COMMD5: variants seen among roughly 807,000 people sequenced by gnomAD.
The protein encoded by COMMD5 is COMM domain containing 5, also known as COMM domain-containing protein 5.
Under a neutral mutation model 6.9 loss-of-function variants are expected in COMMD5, and 10 were observed. The observed-to-expected ratio is 1.44, with a 90% CI of 0.89 to 2.45. The LOEUF (loss-of-function observed/expected upper bound fraction) is 2.45, where lower values mean the gene tolerates loss of function less well. Among genes scored for constraint, COMMD5 ranks in the 30% most tolerant of loss-of-function variants. COMMD5 has a pLI of 0.00. For missense variants in COMMD5, 234 were observed against 287.8 expected, an observed-to-expected ratio of 0.81 and a Z score of 1.35; for synonymous variants, 127 against 125.3, an observed-to-expected ratio of 1.01 and a Z score of -0.09.
rs763990746 is a variant in COMMD5 at position 144,842,730 on chromosome 8, A to G, written c.*117-987T>C. ...CCTTCAGTATGAGCACACAGCTTAC[A>G]ATACATCAAAGGGTTCACACTGGAG... is the stretch of plus-strand genomic sequence containing the variant. On this transcript the variant is annotated intron_variant and NMD_transcript_variant, in intron 1 of 1. Coordinates refer to the COMMD5 transcript ENST00000530332. 5 of 1,613,874 alleles carry G rather than the reference A, an allele frequency of 3.1e-6. No homozygotes were observed. In the Admixed American group the frequency reaches 5.0e-5, roughly 16 times the overall value.
chr8:144,849,110 T>C (rs1409192331), downstream of COMMD5, among the ~76,000 whole-genome samples: 1 of 152,142 alleles, frequency 6.6e-6, no homozygotes, highest in African/African-American at 2.4e-5. Context: ...GGGCTGTCCC[T>C]AAAGCTGCTG....
At chr8:144,838,519 C>G (rs1829361154), downstream of COMMD5, 1 of 196,316 alleles carries the variant, frequency 5.1e-6, no homozygotes, top group Non-Finnish European at 1.0e-5. Context: ...AAGGAAGCCC[C>G]TCACCTCCCT....
downstream of COMMD5, among the ~76,000 whole-genome samples, chr8:144,845,652 T>A (rs1185591286): frequency 6.6e-6 from 1 of 152,180 alleles, no homozygotes; most frequent in Non-Finnish European, 1.5e-5. Flanking sequence ...CTGTAAGACC[T>A]CAACCCTGTC....
downstream of COMMD5, among the ~76,000 whole-genome samples, chr8:144,848,977 G>A (rs1325501910): frequency 6.6e-6 from 1 of 152,206 alleles, no homozygotes; most frequent in Non-Finnish European, 1.5e-5. Flanking sequence ...GTTCACAGAT[G>A]AATTGAGGCA....
chr8:144,842,147 C>T lies in COMMD5; in HGVS notation c.*117-404G>A, dbSNP rs2228180. ...TGTGGGAAAGCCTTCAGCCAGCAGT[C>T]GCAGCTGGTTAGACACCAGAGAACT... is the stretch of plus-strand genomic sequence containing the variant. On this transcript the variant is annotated intron_variant and NMD_transcript_variant, in intron 1 of 1. Coordinates refer to the COMMD5 transcript ENST00000530332. 5.8e-5 allele frequency: 94 copies of T among 1,614,006 alleles called. No individual in the cohort carries two copies. The highest frequency in any genetic ancestry group is 7.5e-5 in the Non-Finnish European group (88 of 1,180,014).
downstream of COMMD5, chr8:144,846,120 A>C (rs1830499606): frequency 6.5e-7 from 1 of 1,536,206 alleles, no homozygotes. Flanking sequence ...CCTCTTGGCC[A>C]CTTCCTGGTT....
chr8:144,843,543 G>A lies in COMMD5; in HGVS notation c.*117-1800C>T, dbSNP rs531655565. The A allele has an allele frequency of 5.6e-4, 83 of 148,082 alleles. No homozygotes were observed. In the South Asian group the frequency reaches 0.013, roughly 24 times the overall value. The allele number at this position is 148,082 out of a possible 1,614,324, so 9.2% of individuals were successfully genotyped here. On this transcript the variant is annotated intron_variant and NMD_transcript_variant, in intron 1 of 1. Transcript: ENST00000530332. ...GCGGAGCTTGCAGTGAGCTGAGATC[G>A]CGCCACTGCACTCCAGCCTGGGTGA...
At chr8:144,843,411 A>AC (rs1405506283) in intron 1 of COMMD5, 3 of 386,776 alleles carry the variant, frequency 7.8e-6, no homozygotes, top group Non-Finnish European at 1.4e-5. Flanking sequence ...AACAGGTGAA[A>AC]CCCCATCTCT....
chr8:144,841,026 A>T (rs1829832107), downstream of COMMD5: 7 of 259,712 alleles, frequency 2.7e-5, no homozygotes, highest in Non-Finnish European at 3.7e-5. Context: ...GTAGCTTCCC[A>T]CCCTTCTGGT....
intron 1 of COMMD5, chr8:144,843,544 C>T (rs575377842): frequency 9.5e-4 from 144 of 152,238 alleles, no homozygotes; most frequent in Non-Finnish European, 1.5e-3. Flanking sequence ...GCTGAGATCG[C>T]GCCACTGCAC....
At chr8:144,843,212 C>T in intron 1 of COMMD5, 2 of 1,503,390 alleles carry the variant, frequency 1.3e-6, no homozygotes, top group Non-Finnish European at 1.8e-6. Context: ...AAACCTATAG[C>T]CTTAACTTAC....
chr8:144,850,840 C>T lies in COMMD5; in HGVS notation c.499G>A (p.Ala167Thr). Residue 167 changes from alanine to threonine, a missense_variant, in exon 2 of 2, where the codon GCC becomes ACC. Physicochemically the swap from Ala to Thr is moderately conservative, Grantham distance 58. Transcript: ENST00000305103. The surrounding 1 kb of genome is among the most constrained non-coding windows in gnomAD (Gnocchi z 4.0). ...CTCGGCTGCAGGGAGCGAGCCAGGG[C>T]ACTGGTGGAGATTGCTACATCCACC... Reference protein sequence around the residue: ...WRVDVAISTSALARSLQPSVL... With the variant: ...WRVDVAISTSTLARSLQPSVL... 6.2e-7 allele frequency: 1 copy of T among 1,613,770 alleles called. No homozygotes were observed. Among genetic ancestry groups the T allele is most frequent in the Non-Finnish European group, 8.5e-7 (1 of 1,179,996 alleles).
intron 1 of COMMD5, among the ~76,000 whole-genome samples, chr8:144,844,625 T>C (rs1443345242): frequency 2.1e-5 from 3 of 145,530 alleles, no homozygotes; most frequent in South Asian, 2.1e-4. Context: ...AGGAAAATGG[T>C]GTGAACCTGG....
At chr8:144,838,034 G>A, downstream of COMMD5, 1 of 697,742 alleles carries the variant, frequency 1.4e-6, no homozygotes, top group Admixed American at 2.0e-5. Context: ...TCTGAAACCG[G>A]GGGGTCAGCA....
chr8:144,838,625 T>TG (rs1487852126), downstream of COMMD5: 3 of 155,744 alleles, frequency 1.9e-5, no homozygotes, highest in Middle Eastern at 3.4e-3. Flanking sequence ...GGAAGCAAGT[T>TG]GGACAGTCCA....
chr8:144,851,049 A>C lies in COMMD5; in HGVS notation c.290T>G (p.Leu97Arg). The C allele has an allele frequency of 2.5e-6, 4 of 1,612,488 alleles. No homozygotes were observed. The highest frequency in any genetic ancestry group is 3.4e-6 in the Non-Finnish European group (4 of 1,179,808). ...AGMHTLLQQA[L>R]RLPPTSLKPD... Reference sequence around the variant, plus strand: ...CTTCAGGCTGGTGGGGGGCAGACGGAGGGCCTGCTGGAGCAGTGTGTGCAT... The same window carrying C: ...CTTCAGGCTGGTGGGGGGCAGACGGCGGGCCTGCTGGAGCAGTGTGTGCAT... The change falls in exon 2 of 2, where the codon CTC becomes CGC. Residue 97 changes from leucine (L) to arginine (R), a missense_variant. Transcript: ENST00000305103.
At chr8:144,844,886 T>G (rs1830426092) in intron 1 of COMMD5, among the ~76,000 whole-genome samples, 1 of 145,232 alleles carries the variant, frequency 6.9e-6, no homozygotes, top group African/African-American at 2.6e-5. Flanking sequence ...AGGAAGAAGG[T>G]GGAGAGGGAG....
chr8:144,840,237 C>G (rs1270900036), downstream of COMMD5, among the ~76,000 whole-genome samples: 1 of 152,212 alleles, frequency 6.6e-6, no homozygotes, highest in African/African-American at 2.4e-5. Context: ...GAGATGCCTC[C>G]TGTCCTCACA....
downstream of COMMD5, among the ~76,000 whole-genome samples, chr8:144,849,056 C>T: frequency 6.6e-6 from 1 of 152,196 alleles, no homozygotes; most frequent in Non-Finnish European, 1.5e-5. Context: ...ATGCTCTGGG[C>T]TCCACACAGG....
Sources: gnomAD v4.1 joint callset for allele counts (sites outside exome capture counted in the v4.1 genomes callset) on GRCh38, gnomAD v4.1.1 for gene constraint, Gnocchi (gnomAD v3.1) non-coding constraint, MANE v1.5 for transcripts, NCBI Gene and HGNC (gene_info 2026-07-23, HGNC 2026-07-21) for gene names.